Variants in NLRP7 observed in about 807,000 individuals in gnomAD.
NLRP7 encodes the protein NACHT, LRR and PYD domains-containing protein 7.
NLRP7 carries 72 observed loss-of-function variants against 85.5 expected under a neutral mutation model. That is an observed-to-expected ratio of 0.84 (90% CI 0.70 to 1.02). NLRP7 has a LOEUF of 1.02. NLRP7 is among the 50% of genes least tolerant of loss of function. The pLI is 0.00. For synonymous variants in NLRP7, 550 were observed against 505.2 expected (o/e 1.09, Z -1.19); for missense variants, 1,243 against 1,219.5 (o/e 1.02, Z -0.29).
chr19:54,924,822 G>A (rs986680736), intron 9 of NLRP7, among the ~76,000 whole-genome samples: 2 of 152,112 alleles, frequency 1.3e-5, no homozygotes, highest in Non-Finnish European at 2.9e-5. Context: ...TGTAATACCA[G>A]CTACTCAGGA....
chr19:54,947,090 C>T (rs1363137715), intron 1 of NLRP7, among the ~76,000 whole-genome samples: 1 of 151,888 alleles, frequency 6.6e-6, no homozygotes, highest in South Asian at 2.1e-4. Flanking sequence ...TTTGGGAGGC[C>T]GAGGCAGACA....
chr19:54,954,297 C>T lies in NLRP7; in HGVS notation c.-76-6792G>A, dbSNP rs1307728478. 2.0e-5 allele frequency among the ~76,000 whole-genome samples: 3 copies of T among 147,930 alleles called. 1 individual carries two copies. Among genetic ancestry groups the T allele is most frequent in the Non-Finnish European group, 4.5e-5 (3 of 66,558 alleles). ...ATCCCAGCACTTTGGGAGGCCGAGG[C>T]GGGTGGATCATGAGGTCAGGAGATT... On this transcript the variant is annotated intron_variant, in intron 1 of 2. Coordinates refer to the NLRP7 transcript ENST00000587103.
upstream of NLRP7, among the ~76,000 whole-genome samples, chr19:54,951,740 G>T (rs1287479235): frequency 6.6e-6 from 1 of 151,920 alleles, no homozygotes; most frequent in Non-Finnish European, 1.5e-5. Context: ...CTGACAGCAG[G>T]GTCATTAGAC....
At chr19:54,959,639 C>T (rs2069973822) in intron 1 of NLRP7, among the ~76,000 whole-genome samples, 1 of 151,738 alleles carries the variant, frequency 6.6e-6, no homozygotes, top group Middle Eastern at 3.4e-3. Context: ...ATAGCAAGAC[C>T]CCCATTTCCA....
intron 1 of NLRP7, among the ~76,000 whole-genome samples, chr19:54,952,921 C>G (rs976972890): frequency 6.6e-6 from 1 of 151,788 alleles, no homozygotes; most frequent in Admixed American, 6.6e-5. Context: ...GTGGATTACC[C>G]GAAGTAGAGT....
Position 54,934,555 on chromosome 19 carries a change from A to C in NLRP7, c.2405T>G (p.Leu802Arg), listed in dbSNP as rs1458069960. The C allele has an allele frequency of 1.2e-6, 2 of 1,614,032 alleles. No homozygotes were observed. Among genetic ancestry groups the C allele is most frequent in the East Asian group, 2.2e-5 (1 of 44,882 alleles). The stretch of plus-strand genomic sequence containing the variant: ...GTACAGCAACATGGCACCCTCATCC[A>C]GGAGCACATTGGCTGAGAGACGCAG... Residue 802 changes from leucine (L) to arginine (R), a missense_variant, in exon 7 of 10, where the codon CTG becomes CGG. Physicochemically the swap from Leu to Arg is moderately radical, Grantham distance 102. This residue lies in a region of NLRP7 where 613 missense variants were observed against 588.4 expected (regional missense o/e 1.04). Coordinates refer to ENST00000340844, the Ensembl canonical transcript of NLRP7. The surrounding 1 kb of genome is among the most constrained non-coding windows in gnomAD (Gnocchi z 6.7).
chr19:54,939,106 G>C (rs772489340), exon 4 of NLRP7: 1 of 1,614,224 alleles, frequency 6.2e-7, no homozygotes, highest in Non-Finnish European at 8.5e-7. Context: ...GGCAGCCCAA[G>C]ACCTCCTTCA....
At chr19:54,933,716 T>G (rs1569539754) in exon 8 of NLRP7, 1 of 1,614,182 alleles carries the variant, frequency 6.2e-7, no homozygotes. Context: ...GCAACTGGCT[T>G]CTGTAAGACG....
At chr19:54,957,987 G>A (rs543243130) in intron 1 of NLRP7, among the ~76,000 whole-genome samples, 7 of 152,048 alleles carry the variant, frequency 4.6e-5, no homozygotes, top group Non-Finnish European at 8.8e-5. Flanking sequence ...AGGCCCAGGT[G>A]GGTGGATCAC....
chr19:54,959,029 C>G (rs2146282886), intron 1 of NLRP7, among the ~76,000 whole-genome samples: 1 of 152,234 alleles, frequency 6.6e-6, no homozygotes, highest in East Asian at 1.9e-4. Context: ...TGATTTTTAT[C>G]TACTAGGTTT....
intron 1 of NLRP7, among the ~76,000 whole-genome samples, chr19:54,963,795 G>A (rs2070160646): frequency 6.7e-6 from 1 of 149,826 alleles, no homozygotes; most frequent in African/African-American, 2.5e-5. Context: ...CTGCACTCCA[G>A]CCCGGGCGAC....
At chr19:54,962,499 G>C (rs953739294) in intron 1 of NLRP7, among the ~76,000 whole-genome samples, 1 of 151,562 alleles carries the variant, frequency 6.6e-6, no homozygotes, top group Non-Finnish European at 1.5e-5. Flanking sequence ...TCGAACTCCT[G>C]ACCTCAGGTG....
chr19:54,925,443 A>G lies in NLRP7; in HGVS notation c.2811-1571T>C, dbSNP rs1038691608. ...TAACTCCCACATGCTTAGCGTTCCA[A>G]TAATGCAACACTGGGCATCATGAAG... is the stretch of plus-strand genomic sequence containing the variant. On this transcript the variant is annotated intron_variant, in intron 9 of 9. Coordinates refer to ENST00000340844, the Ensembl canonical transcript of NLRP7. Among the ~76,000 whole-genome samples the G allele has an allele frequency of 1.5e-4, 23 of 152,142 alleles. 1 individual carries two copies. The highest frequency in any genetic ancestry group is 1.5e-3 in the Admixed American group (23 of 15,242).
chr19:54,923,802 G>A (rs749191652), exon 10 of NLRP7: 4 of 1,614,056 alleles, frequency 2.5e-6, no homozygotes, highest in East Asian at 2.2e-5. Flanking sequence ...TCAATAGTCA[G>A]CTTGGGATTC....
chr19:54,924,014 C>T, intron 9 of NLRP7, 142 bp from the exon 11 acceptor site: 1 of 896,540 alleles, frequency 1.1e-6, no homozygotes. Context: ...GTTGCCCAGG[C>T]TGGGGTACAG....
intron 9 of NLRP7, 63 bp downstream of exon 9, chr19:54,930,436 T>TG: frequency 8.4e-7 from 1 of 1,194,696 alleles, no homozygotes; most frequent in African/African-American, 1.5e-5. Flanking sequence ...CACTCCAGGC[T>TG]GGGGGACAGA....
chr19:54,953,610 G>C (rs1602226915), intron 1 of NLRP7, among the ~76,000 whole-genome samples: 1 of 150,946 alleles, frequency 6.6e-6, no homozygotes, highest in Non-Finnish European at 1.5e-5. Flanking sequence ...GTCTGCTTGT[G>C]GATTTCATTT....
At chr19:54,938,372 A>G (rs1569540328) in intron 4 of NLRP7, 131 bp from the exon 5 acceptor site, 2 of 738,608 alleles carry the variant, frequency 2.7e-6, no homozygotes, top group East Asian at 5.2e-5. Flanking sequence ...TATAGTAAAC[A>G]ATATTGCATC....
At position 54,934,415 on chromosome 19, in the gene NLRP7, A is replaced by G. The variant is rs896228186; in HGVS notation, c.2471+74T>C. On this transcript the variant is annotated intron_variant, in intron 7 of 9. Coordinates refer to ENST00000340844, the Ensembl canonical transcript of NLRP7. This position sits in a 1 kb window ranked among gnomAD's most constrained non-coding sequence, Gnocchi z 6.7. The stretch of plus-strand genomic sequence containing the variant: ...AGAGGCGCCACGTGGGTGGCGCAGT[A>G]AGTCAGGTGTTACCCTTTCTCTTCT... The G allele has an allele frequency of 1.3e-5, 20 of 1,486,274 alleles. No homozygotes were observed. Among genetic ancestry groups the G allele is most frequent in the Non-Finnish European group, 1.7e-5 (18 of 1,063,656 alleles). The allele number at this position is 1,486,274 out of a possible 1,614,324, so 92.1% of individuals were successfully genotyped here.
Sources: allele counts gnomAD v4.1 joint callset (sites outside exome capture counted in the v4.1 genomes callset), GRCh38; gene constraint gnomAD v4.1.1; regional missense constraint gnomAD v4.1.1; non-coding constraint Gnocchi (gnomAD v3.1); transcripts MANE v1.5; gene names NCBI Gene and HGNC (gene_info 2026-07-23, HGNC 2026-07-21).